The following CRACD variants were observed in gnomAD, a reference collection of about 807,000 sequenced individuals.
The protein encoded by CRACD is capping protein-inhibiting regulator of actin dynamics.
In CRACD, 56 loss-of-function variants were observed where a neutral mutation model predicts 106.8. That is an observed-to-expected ratio of 0.52 (90% confidence interval 0.42 to 0.66). The LOEUF (loss-of-function observed/expected upper bound fraction) is 0.66, where lower values mean the gene tolerates loss of function less well. Ranked by LOEUF, CRACD falls within the 30% of genes least tolerant of loss-of-function variation. CRACD has a pLI of 0.00. For synonymous variants in CRACD, 754 were observed against 670.8 expected, an observed-to-expected ratio of 1.12 and a Z score of -1.92; for missense variants, 1,730 against 1,623.2, an observed-to-expected ratio of 1.07 and a Z score of -1.13.
intron 1 of CRACD, among the ~76,000 whole-genome samples, chr4:56,050,273 AGTGTGTGTGTGTGTGTGT>A (rs3036783): frequency 7.4e-6 from 1 of 134,476 alleles, no homozygotes; most frequent in African/African-American, 2.8e-5. Context: ...TAGGTGAGGG[AGTGTGTGTGTGTGTGTGT>A]GTGTGTGTGT....
chr4:56,147,687 C>T (rs1735436360), intron 1 of CRACD, among the ~76,000 whole-genome samples: 1 of 152,138 alleles, frequency 6.6e-6, no homozygotes, highest in Non-Finnish European at 1.5e-5. Context: ...TGTGGTAGCT[C>T]TATGTTTAAC....
intron 1 of CRACD, among the ~76,000 whole-genome samples, chr4:56,175,097 A>G (rs1736528849): frequency 6.6e-6 from 1 of 152,152 alleles, no homozygotes; most frequent in African/African-American, 2.4e-5. Flanking sequence ...TTACAATTTA[A>G]CATGAGATTT....
At chr4:56,115,064 T>C (rs1174170671) in intron 1 of CRACD, among the ~76,000 whole-genome samples, 2 of 152,196 alleles carry the variant, frequency 1.3e-5, no homozygotes, top group Non-Finnish European at 2.9e-5. Context: ...AATTGACTTA[T>C]AGTAATTCCA....
At chr4:56,182,777 G>A (rs182223556) in intron 2 of CRACD, among the ~76,000 whole-genome samples, 12 of 151,984 alleles carry the variant, frequency 7.9e-5, no homozygotes, top group Admixed American at 7.9e-4. Context: ...TTCCAGGGAA[G>A]TAATACTGTA....
chr4:56,160,131 C>T (rs924410395), intron 1 of CRACD, among the ~76,000 whole-genome samples: 3 of 151,182 alleles, frequency 2.0e-5, no homozygotes, highest in Non-Finnish European at 4.4e-5. Flanking sequence ...GCATATTTGT[C>T]TAATGTAAGC....
chr4:56,264,543 C>T (rs1397105293), intron 2 of CRACD, among the ~76,000 whole-genome samples: 1 of 152,190 alleles, frequency 6.6e-6, no homozygotes, highest in East Asian at 1.9e-4. Flanking sequence ...CCTCTGACCC[C>T]TGGGCCTCTC....
intron 2 of CRACD, among the ~76,000 whole-genome samples, chr4:56,204,925 C>T (rs577394312): frequency 5.3e-5 from 8 of 152,040 alleles, no homozygotes; most frequent in South Asian, 2.1e-4. Flanking sequence ...TTTGGTAGGC[C>T]GAGGCGGGAG....
At chr4:56,221,435 A>G (rs1480608938) in intron 2 of CRACD, among the ~76,000 whole-genome samples, 2 of 152,180 alleles carry the variant, frequency 1.3e-5, no homozygotes, top group African/African-American at 4.8e-5. Context: ...GGCTTGAGGA[A>G]TGGGGTAGGA....
intron 1 of CRACD, among the ~76,000 whole-genome samples, chr4:56,108,531 A>G (rs578153389): frequency 1.3e-4 from 20 of 152,266 alleles, no homozygotes; most frequent in African/African-American, 4.3e-4. Flanking sequence ...AAATAAAGAC[A>G]CAAGACGAAG....
chr4:56,247,024 C>T (rs1011446108), intron 2 of CRACD, among the ~76,000 whole-genome samples: 1 of 152,166 alleles, frequency 6.6e-6, no homozygotes, highest in Non-Finnish European at 1.5e-5. Context: ...AAGTCATTCT[C>T]TCCTGCACTT....
intron 10 of CRACD, among the ~76,000 whole-genome samples, chr4:56,326,352 G>C (rs979898354): frequency 2.6e-5 from 4 of 152,202 alleles, no homozygotes; most frequent in African/African-American, 9.6e-5. Context: ...GTGAGAAAAA[G>C]AGAGAGAATG....
rs913593519 is a variant in CRACD, at chr4:56,328,758, A to G, written c.*954A>G. ...TGTGAGAAACACTGATCCTAATGCA[A>G]TCTAATTTTTCAGACTTCGAAGGGG... On this transcript the variant is annotated 3_prime_UTR_variant, in exon 11 of 11. Coordinates refer to ENST00000682029, the MANE Select transcript of CRACD (RefSeq NM_001393381.1). The G allele has an allele frequency of 2.0e-5, 3 of 153,106 alleles. No individual in the cohort carries two copies. Among genetic ancestry groups the G allele is most frequent in the African/African-American group, 4.8e-5 (2 of 41,470 alleles). The allele number at this position is 153,106 out of a possible 1,614,324, so 9.5% of individuals were successfully genotyped here. A position where few individuals can be genotyped will look rare whatever the true frequency, so the allele number is the denominator to read the frequency against.
In CRACD at chr4:56,315,791, T is replaced by G. The variant is rs1745589765; in HGVS notation, c.2289T>G (p.Pro763=). Residue 763 remains proline (P), a synonymous_variant, in exon 8 of 11, where the codon CCT becomes CCG. Transcript: ENST00000682029. The surrounding 1 kb of genome is among the most constrained non-coding windows in gnomAD (Gnocchi z 4.1). The stretch of plus-strand genomic sequence containing the variant: ...AAGAGACAGCCCCCCAGCCTCCTCC[T>G]GCTGGTGTTCGCGAGCTCGGGAAGG... ...PSEETAPQPP[P]AGVRELGKGP... 6.2e-7 allele frequency: 1 copy of G among 1,614,106 alleles called. No homozygotes were observed. Among genetic ancestry groups the G allele is most frequent in the African/African-American group, 1.3e-5 (1 of 74,942 alleles).
chr4:56,286,722 C>T (rs1475114424), intron 3 of CRACD, among the ~76,000 whole-genome samples: 1 of 152,030 alleles, frequency 6.6e-6, no homozygotes. Flanking sequence ...TCTGCAGATT[C>T]CCGTTAACAT....
intron 2 of CRACD, among the ~76,000 whole-genome samples, chr4:56,241,323 A>G (rs1196381276): frequency 1.3e-5 from 2 of 152,104 alleles, no homozygotes; most frequent in Non-Finnish European, 2.9e-5. Context: ...TCAGTGGTTC[A>G]GTTCTCCAAG....
At chr4:56,208,244 G>T (rs1038234198) in intron 2 of CRACD, among the ~76,000 whole-genome samples, 1 of 152,076 alleles carries the variant, frequency 6.6e-6, no homozygotes, top group Non-Finnish European at 1.5e-5. Context: ...CTAGAGTCTG[G>T]ATGGGCCCTT....
At chr4:56,214,681 C>CTCTCTCTCTCTATATATA in intron 2 of CRACD, among the ~76,000 whole-genome samples, 10 of 80,992 alleles carry the variant, frequency 1.2e-4, no homozygotes, top group South Asian at 4.5e-4. Flanking sequence ...CTCTCTCTCT[C>CTCTCTCTCTCTATATATA]TATATATATA....
intron 3 of CRACD, among the ~76,000 whole-genome samples, chr4:56,296,901 C>T (rs1490922299): frequency 1.4e-5 from 2 of 143,800 alleles, no homozygotes; most frequent in African/African-American, 5.1e-5. Flanking sequence ...CCTCTTTGTG[C>T]ATTTCTTTTT....
intron 1 of CRACD, among the ~76,000 whole-genome samples, chr4:56,075,417 A>T (rs548560879): frequency 6.6e-6 from 1 of 152,208 alleles, no homozygotes; most frequent in East Asian, 1.9e-4. Context: ...TAGTCTTGGG[A>T]GGGTGTATGT....
Sources: gnomAD v4.1 joint callset for allele counts (sites outside exome capture counted in the v4.1 genomes callset) on GRCh38, gnomAD v4.1.1 for gene constraint, Gnocchi (gnomAD v3.1) non-coding constraint, MANE v1.5 for transcripts, NCBI Gene and HGNC (gene_info 2026-07-23, HGNC 2026-07-21) for gene names.